Variants in SP100 observed in about 807,000 individuals in gnomAD.
SP100 encodes nuclear autoantigen Sp-100.
SP100 carries 84 observed loss-of-function variants against 130.0 expected under a neutral mutation model. The observed-to-expected ratio is 0.65, with a 90% CI of 0.54 to 0.77. SP100 has a LOEUF of 0.77. Among genes scored for constraint, SP100 ranks in the 30% least tolerant of loss-of-function variants. The probability of loss-of-function intolerance (pLI) is 0.00; values close to 1 mark genes in which losing one functional copy is unlikely to be tolerated. For missense variants in SP100, 978 were observed against 1,052.2 expected, an observed-to-expected ratio of 0.93 and a Z score of 0.97; for synonymous variants, 331 against 351.7, an observed-to-expected ratio of 0.94 and a Z score of 0.66.
At chr2:230,416,985 A>G (rs2062616905) in intron 1 of SP100, 1 of 613,164 alleles carries the variant, frequency 1.6e-6, no homozygotes, top group Non-Finnish European at 2.0e-6. Flanking sequence ...TTTCTCTAGT[A>G]GTGAGTTGAG....
rs996621841 is a variant in SP100 at position 230,435,421 on chromosome 2, A to T, written c.108-7516A>T. Among the ~76,000 whole-genome samples, 4 of 152,150 alleles carry T rather than the reference A, an allele frequency of 2.6e-5. 1 individual carries two copies. The highest frequency in any genetic ancestry group is 9.7e-5 in the African/African-American group (4 of 41,436). On this transcript the variant is annotated intron_variant, in intron 2 of 28. Transcript: ENST00000340126. ...TGAAAATGCTTTTCTACACTCTTTT[A>T]TATCTGTATTGCTTTTTAAAAACAT...
At chr2:230,539,184 T>C (rs2150115860) in intron 24 of SP100, 83 bp from the exon 25 acceptor site, 2 of 782,980 alleles carry the variant, frequency 2.6e-6, no homozygotes, top group South Asian at 3.0e-5. Context: ...TTTACAAGTG[T>C]GCCCTTGATA....
chr2:230,418,512 A>G (rs2062680709), intron 2 of SP100, among the ~76,000 whole-genome samples: 1 of 151,842 alleles, frequency 6.6e-6, no homozygotes, highest in South Asian at 2.1e-4. Flanking sequence ...TGGTGGCTTT[A>G]CAGCTCCTCT....
At chr2:230,505,385 T>A (rs1690007292) in intron 21 of SP100, among the ~76,000 whole-genome samples, 1 of 152,140 alleles carries the variant, frequency 6.6e-6, no homozygotes, top group Non-Finnish European at 1.5e-5. Context: ...TCCCATAACA[T>A]CTGTTTAGCC....
At chr2:230,483,801 A>G (rs1032798298) in intron 17 of SP100, among the ~76,000 whole-genome samples, 1 of 152,234 alleles carries the variant, frequency 6.6e-6, no homozygotes, top group Non-Finnish European at 1.5e-5. Flanking sequence ...TAAAGTCACC[A>G]TGAACATAGA....
At chr2:230,484,045 C>T (rs2065953524) in intron 17 of SP100, among the ~76,000 whole-genome samples, 1 of 152,244 alleles carries the variant, frequency 6.6e-6, no homozygotes. Context: ...TGTCCCACGT[C>T]ACAGCCTTCT....
At chr2:230,471,143 T>C (rs996177255) in intron 15 of SP100, among the ~76,000 whole-genome samples, 1 of 151,944 alleles carries the variant, frequency 6.6e-6, no homozygotes, top group Non-Finnish European at 1.5e-5. Context: ...CAGAACATCA[T>C]TGATGGAAAC....
At chr2:230,516,974 GACTT>G (rs1690947870) in intron 24 of SP100, among the ~76,000 whole-genome samples, 1 of 151,962 alleles carries the variant, frequency 6.6e-6, no homozygotes, top group Admixed American at 6.6e-5. Flanking sequence ...CTTTAGAAAA[GACTT>G]AATCAAAATT....
chr2:230,458,368 C>T (rs2064395995), intron 8 of SP100, among the ~76,000 whole-genome samples: 2 of 152,122 alleles, frequency 1.3e-5, no homozygotes. Context: ...AGACCTTCAT[C>T]CTCATCATTG....
chr2:230,477,130 G>A (rs904965102), intron 17 of SP100, among the ~76,000 whole-genome samples: 1 of 152,134 alleles, frequency 6.6e-6, no homozygotes, highest in Non-Finnish European at 1.5e-5. Flanking sequence ...CTCCCAAAGT[G>A]CTGGGATTAC....
chr2:230,526,751 C>T (rs1013356517), intron 24 of SP100, among the ~76,000 whole-genome samples: 1 of 152,086 alleles, frequency 6.6e-6, no homozygotes, highest in African/African-American at 2.4e-5. Flanking sequence ...GAGCTGAAAA[C>T]CATGGCACGA....
intron 2 of SP100, among the ~76,000 whole-genome samples, chr2:230,422,471 A>G (rs562595191): frequency 2.0e-5 from 3 of 152,278 alleles, no homozygotes; most frequent in Admixed American, 2.0e-4. Context: ...TTCTAAAGGA[A>G]TGGTGCCTCT....
intron 4 of SP100, among the ~76,000 whole-genome samples, chr2:230,445,409 G>T (rs890320742): frequency 5.9e-5 from 9 of 152,202 alleles, no homozygotes; most frequent in African/African-American, 2.2e-4. Flanking sequence ...AAATCTGAGA[G>T]TGAGAAGCAG....
chr2:230,467,202 G>A lies in SP100; in HGVS notation c.1278G>A (p.Lys426=), dbSNP rs991232214. 1 of 1,613,320 alleles carries A rather than the reference G, an allele frequency of 6.2e-7. No individual in the cohort carries two copies. Among genetic ancestry groups the A allele is most frequent in the East Asian group, 2.2e-5 (1 of 44,870 alleles). The part of the protein sequence containing the change: ...AEASSGALRS[K]HGEKAPMTSR... ...CCTCGAGCGGGGCACTGAGAAGCAA[G>A]CATGGTGAGAAGGGTAAGAACAGCT... The change falls in exon 13 of 29, where the codon AAG becomes AAA. Residue 426 remains lysine (K), a synonymous_variant. Transcript: ENST00000340126.
rs918242444 is a variant in SP100 at position 230,543,154 on chromosome 2, C to T, written c.*208C>T. The T allele has an allele frequency of 2.8e-5, 11 of 393,644 alleles. No individual in the cohort carries two copies. The highest frequency in any genetic ancestry group is 4.2e-5 in the Non-Finnish European group (9 of 215,908). The allele number at this position is 393,644 out of a possible 1,614,324, so 24.4% of individuals were successfully genotyped here. A position where few individuals can be genotyped will look rare whatever the true frequency, so the allele number is the denominator to read the frequency against. On this transcript the variant is annotated 3_prime_UTR_variant, in exon 29 of 29. Coordinates refer to ENST00000340126, the MANE Select transcript of SP100 (RefSeq NM_001080391.2). ...TCTCAATAAGCTAGGTATTGAGGAACATATCCCAAAATAATAAGAGCCATT... is the reference window on the plus strand; with the variant it reads ...TCTCAATAAGCTAGGTATTGAGGAATATATCCCAAAATAATAAGAGCCATT...
chr2:230,527,949 A>T (rs911568694), intron 24 of SP100, among the ~76,000 whole-genome samples: 4 of 152,188 alleles, frequency 2.6e-5, no homozygotes, highest in Middle Eastern at 3.2e-3. Flanking sequence ...CAGACCTACA[A>T]AGAGACTGAG....
At position 230,542,967 on chromosome 2, in the gene SP100, C is replaced by T; in HGVS notation, c.*21C>T. 7.4e-7 allele frequency: 1 copy of T among 1,343,854 alleles called. No individual in the cohort carries two copies. 83.2% of individuals were successfully genotyped at this position (1,343,854 alleles called of 1,614,324 possible). ...TTTAGCCATTCTTATCTCCTCCCTT[C>T]AGATCCTCTGGCAGCTAGCTACGCA... On this transcript the variant is annotated 3_prime_UTR_variant, in exon 29 of 29. Coordinates refer to ENST00000340126, the MANE Select transcript of SP100 (RefSeq NM_001080391.2).
intron 17 of SP100, 45 bp downstream of exon 17, chr2:230,474,492 A>G: frequency 1.1e-6 from 1 of 909,810 alleles, no homozygotes. Context: ...TTACAAATGA[A>G]CTATTTTTTA....
intron 10 of SP100, chr2:230,462,735 T>C (rs529961424): frequency 7.7e-6 from 4 of 516,922 alleles, no homozygotes; most frequent in African/African-American, 7.7e-5. Flanking sequence ...TCTTTCTTGA[T>C]GGATTCTATT....
Sources: allele counts gnomAD v4.1 joint callset (sites outside exome capture counted in the v4.1 genomes callset), GRCh38; gene constraint gnomAD v4.1.1; transcripts MANE v1.5; gene names NCBI Gene and HGNC (gene_info 2026-07-23, HGNC 2026-07-21).